COL10A1: variants seen among roughly 807,000 people sequenced by gnomAD.
COL10A1 encodes the protein collagen alpha-1(X) chain.
In COL10A1, 10 loss-of-function variants were observed where a neutral mutation model predicts 18.2. The observed-to-expected ratio is 0.55, with a 90% confidence interval of 0.34 to 0.93. The LOEUF is 0.93. Among genes scored for constraint, COL10A1 ranks in the 40% least tolerant of loss-of-function variants. COL10A1 has a pLI of 0.02. For missense variants in COL10A1, 897 were observed against 853.5 expected, an observed-to-expected ratio of 1.05 and a Z score of -0.64; for synonymous variants, 330 against 316.6, an observed-to-expected ratio of 1.04 and a Z score of -0.45.
the COL10A1 span, among the ~76,000 whole-genome samples, chr6:116,211,052 A>G: frequency 5.1e-3 from 780 of 152,178 alleles, 7 homozygotes; most frequent in African/African-American, 0.017. Context: ...CTAGGTCATA[A>G]GGAGCCTTGC....
chr6:116,164,730 C>T, the COL10A1 span, among the ~76,000 whole-genome samples: 1 of 152,078 alleles, frequency 6.6e-6, no homozygotes, highest in Non-Finnish European at 1.5e-5. Context: ...TTCCTTTTAG[C>T]ATTTTTGGTG....
At chr6:116,124,015 C>T (rs897048866) in intron 2 of COL10A1, among the ~76,000 whole-genome samples, 11 of 151,978 alleles carry the variant, frequency 7.2e-5, no homozygotes, top group African/African-American at 2.2e-4. Flanking sequence ...TCAAGTAAAG[C>T]GGAAGGTTGC....
chr6:116,190,755 T>G, the COL10A1 span, among the ~76,000 whole-genome samples: 1 of 152,044 alleles, frequency 6.6e-6, no homozygotes, highest in Admixed American at 6.6e-5. Context: ...TCATGTGGTA[T>G]GTAAAACGTC....
upstream of COL10A1, among the ~76,000 whole-genome samples, chr6:116,126,812 AT>A (rs1779327794): frequency 6.6e-6 from 1 of 152,118 alleles, no homozygotes; most frequent in Admixed American, 6.5e-5. Flanking sequence ...TGCTGTGTTT[AT>A]TTCAGGAGAA....
chr6:116,136,455 T>A (rs1446909797), intron 1 of COL10A1, among the ~76,000 whole-genome samples: 2 of 147,894 alleles, frequency 1.4e-5, no homozygotes, highest in African/African-American at 5.0e-5. Flanking sequence ...CTATTTTTTT[T>A]AAGTTTTGTG....
intron 1 of COL10A1, among the ~76,000 whole-genome samples, chr6:116,144,832 T>C (rs1779856783): frequency 6.6e-6 from 1 of 152,116 alleles, no homozygotes; most frequent in Non-Finnish European, 1.5e-5. Context: ...GCCACAAATA[T>C]GCATGATAGG....
chr6:116,146,044 T>C (rs2075606708), intron 1 of COL10A1, among the ~76,000 whole-genome samples: 1 of 152,232 alleles, frequency 6.6e-6, no homozygotes, highest in Non-Finnish European at 1.5e-5. Flanking sequence ...CTCGTTTTCC[T>C]ATCACAGTTA....
chr6:116,164,163 C>G, the COL10A1 span, among the ~76,000 whole-genome samples: 1 of 152,160 alleles, frequency 6.6e-6, no homozygotes, highest in Non-Finnish European at 1.5e-5. Context: ...CTTCAGTGAT[C>G]TGTTTGGTGT....
rs1170160079 is a variant in COL10A1 at position 116,119,494 on chromosome 6, C to T, written c.*579G>A. On this transcript the variant is annotated 3_prime_UTR_variant, in exon 3 of 3. Coordinates refer to ENST00000651968, the MANE Select transcript of COL10A1 (RefSeq NM_000493.4). Reference sequence around the variant, plus strand: ...AAGAGCTTTAACAAGTATATATGCACCTGTATATTTGAATAGATATTGATG... The same window carrying T: ...AAGAGCTTTAACAAGTATATATGCATCTGTATATTTGAATAGATATTGATG... The T allele has an allele frequency of 6.5e-6, 1 of 152,912 alleles. No homozygotes were observed. Among genetic ancestry groups the T allele is most frequent in the Non-Finnish European group, 1.5e-5 (1 of 68,290 alleles). 9.5% of individuals were successfully genotyped at this position (152,912 alleles called of 1,614,324 possible).
At chr6:116,131,307 T>C (rs902633286) in intron 1 of COL10A1, among the ~76,000 whole-genome samples, 1 of 152,218 alleles carries the variant, frequency 6.6e-6, no homozygotes, top group African/African-American at 2.4e-5. Context: ...TAGCCTCTGT[T>C]ACTGACCTAT....
chr6:116,209,630 G>A, the COL10A1 span, among the ~76,000 whole-genome samples: 1 of 151,904 alleles, frequency 6.6e-6, no homozygotes, highest in African/African-American at 2.4e-5. Flanking sequence ...GCAGCAGAGG[G>A]AAGGCAGAGT....
intron 1 of COL10A1, among the ~76,000 whole-genome samples, chr6:116,132,152 G>A (rs1582823121): frequency 6.6e-6 from 1 of 152,116 alleles, no homozygotes; most frequent in Admixed American, 6.6e-5. Flanking sequence ...GGGTGTATAT[G>A]TAGCCTGAAT....
chr6:116,162,346 T>A (rs980470065), upstream of COL10A1, among the ~76,000 whole-genome samples: 6 of 152,200 alleles, frequency 3.9e-5, no homozygotes, highest in African/African-American at 1.4e-4. Context: ...CACATCCTTG[T>A]CTTGGTCCAG....
chr6:116,178,088 TGCGCGCGCGCGCGCGTGCGTGC>T, the COL10A1 span, among the ~76,000 whole-genome samples: 1 of 99,652 alleles, frequency 1.0e-5, no homozygotes, highest in Non-Finnish European at 2.1e-5. Context: ...TGTGTGTGTG[TGCGCGCGCGCGCGCGTGCGTGC>T]GTGTGTGTGT....
At chr6:116,173,749 A>G in the COL10A1 span, among the ~76,000 whole-genome samples, 1 of 152,204 alleles carries the variant, frequency 6.6e-6, no homozygotes, top group Admixed American at 6.5e-5. Context: ...TGATAAAGAC[A>G]ATATAGAGTG....
At chr6:116,129,189 C>T (rs1301348699), upstream of COL10A1, among the ~76,000 whole-genome samples, 1 of 152,098 alleles carries the variant, frequency 6.6e-6, no homozygotes, top group Non-Finnish European at 1.5e-5. Flanking sequence ...TCATCAAATC[C>T]TGTAGTTCAC....
At chr6:116,134,024 C>T (rs907692874) in intron 1 of COL10A1, among the ~76,000 whole-genome samples, 2 of 152,078 alleles carry the variant, frequency 1.3e-5, no homozygotes, top group Non-Finnish European at 2.9e-5. Flanking sequence ...GCTAATCAGG[C>T]GGAAGTTTAG....
At chr6:116,158,565 A>G (rs1410880813) in intron 1 of COL10A1, 1 of 152,172 alleles carries the variant, frequency 6.6e-6, no homozygotes, top group Non-Finnish European at 1.5e-5. Context: ...TCATCTAGTC[A>G]CATTATTGGT....
chr6:116,202,173 G>A, the COL10A1 span, among the ~76,000 whole-genome samples: 2 of 152,002 alleles, frequency 1.3e-5, no homozygotes, highest in Admixed American at 1.3e-4. Flanking sequence ...AGTCTAGACA[G>A]TGTAGGAATC....
Sources: allele counts gnomAD v4.1 joint callset (sites outside exome capture counted in the v4.1 genomes callset), GRCh38; gene constraint gnomAD v4.1.1; transcripts MANE v1.5; gene names NCBI Gene and HGNC (gene_info 2026-07-23, HGNC 2026-07-21).